NXPE4: variants seen among roughly 807,000 people sequenced by gnomAD.
NXPE4 encodes the protein NXPE family member 4.
In NXPE4, 42 loss-of-function variants were observed where a neutral mutation model predicts 33.3. That is an observed-to-expected ratio of 1.26 (90% CI 0.98 to 1.63). The LOEUF (loss-of-function observed/expected upper bound fraction) is 1.63, where lower values mean the gene tolerates loss of function less well. Among genes scored for constraint, NXPE4 ranks in the 40% most tolerant of loss-of-function variants. The pLI, the probability that NXPE4 is intolerant of heterozygous loss-of-function variation, is 0.00. For synonymous variants in NXPE4, 253 were observed against 234.9 expected, an observed-to-expected ratio of 1.08 and a Z score of -0.71; for missense variants, 709 against 647.6, an observed-to-expected ratio of 1.09 and a Z score of -1.03.
chr11:114,639,405 AC>A, the NXPE4 span, among the ~76,000 whole-genome samples: 3 of 151,374 alleles, frequency 2.0e-5, no homozygotes, highest in Admixed American at 1.3e-4. Context: ...GAACTCCCTG[AC>A]CCCTTGCGCT....
intron 5 of NXPE4, among the ~76,000 whole-genome samples, chr11:114,577,935 T>C: frequency 6.6e-6 from 1 of 152,210 alleles, no homozygotes; most frequent in Non-Finnish European, 1.5e-5. Flanking sequence ...CCCTTTACGA[T>C]ATACAAAGCA....
At chr11:114,676,932 TA>T in the NXPE4 span, among the ~76,000 whole-genome samples, 1 of 151,948 alleles carries the variant, frequency 6.6e-6, no homozygotes, top group African/African-American at 2.4e-5. Context: ...TGCTCAGCCT[TA>T]AAAAAGAAGG....
intron 5 of NXPE4, among the ~76,000 whole-genome samples, chr11:114,578,029 C>T (rs1274637644): frequency 6.6e-6 from 1 of 152,184 alleles, no homozygotes; most frequent in East Asian, 1.9e-4. Flanking sequence ...AAATGAAGTT[C>T]TTCCATTTTC....
At chr11:114,645,076 C>T in the NXPE4 span, among the ~76,000 whole-genome samples, 1 of 151,340 alleles carries the variant, frequency 6.6e-6, no homozygotes, top group Non-Finnish European at 1.5e-5. Context: ...CTGAGGCAGG[C>T]GGATTCCTTG....
upstream of NXPE4, among the ~76,000 whole-genome samples, chr11:114,599,347 C>G (rs1236092635): frequency 6.6e-6 from 1 of 152,164 alleles, no homozygotes; most frequent in Non-Finnish European, 1.5e-5. Context: ...TTGGTGGCAA[C>G]AATTTAACAA....
the NXPE4 span, among the ~76,000 whole-genome samples, chr11:114,653,672 C>A: frequency 6.6e-6 from 1 of 151,740 alleles, no homozygotes. Flanking sequence ...GGACTACAGG[C>A]GCCCACCACT....
the NXPE4 span, among the ~76,000 whole-genome samples, chr11:114,627,348 G>T: frequency 6.6e-6 from 1 of 152,044 alleles, no homozygotes; most frequent in Admixed American, 6.6e-5. Context: ...AGCCAGAAGA[G>T]AGTGGGGACC....
At chr11:114,623,197 A>G in the NXPE4 span, among the ~76,000 whole-genome samples, 1 of 151,984 alleles carries the variant, frequency 6.6e-6, no homozygotes, top group Admixed American at 6.6e-5. Flanking sequence ...TAGGGTAACC[A>G]TTGTTACCCA....
At chr11:114,603,474 C>T in the NXPE4 span, among the ~76,000 whole-genome samples, 2 of 151,254 alleles carry the variant, frequency 1.3e-5, no homozygotes, top group Admixed American at 1.3e-4. Flanking sequence ...ATAAGTATTG[C>T]CTCGTCTCCT....
chr11:114,661,065 A>T, the NXPE4 span, among the ~76,000 whole-genome samples: 1 of 152,186 alleles, frequency 6.6e-6, no homozygotes, highest in Non-Finnish European at 1.5e-5. Flanking sequence ...AATACACAAG[A>T]TCTATATACT....
the NXPE4 span, among the ~76,000 whole-genome samples, chr11:114,650,540 G>A: frequency 2.6e-5 from 4 of 152,132 alleles, no homozygotes. Flanking sequence ...AATGGAGGAA[G>A]GGCAAGTACT....
chr11:114,639,784 TAATA>T, the NXPE4 span, among the ~76,000 whole-genome samples: 1 of 126,004 alleles, frequency 7.9e-6, no homozygotes, highest in Non-Finnish European at 1.6e-5. Context: ...ATATAAAATA[TAATA>T]TATATTATAT....
intron 5 of NXPE4, among the ~76,000 whole-genome samples, chr11:114,579,761 T>A (rs1170517018): frequency 6.6e-6 from 1 of 152,204 alleles, no homozygotes; most frequent in Non-Finnish European, 1.5e-5. Flanking sequence ...AGAAGTCAGG[T>A]TTTGAACCCA....
At chr11:114,651,974 C>G in the NXPE4 span, among the ~76,000 whole-genome samples, 36 of 152,324 alleles carry the variant, frequency 2.4e-4, no homozygotes, top group African/African-American at 6.7e-4. Context: ...CAGTGGCACT[C>G]CAGCTTGCTG....
intron 2 of NXPE4, among the ~76,000 whole-genome samples, chr11:114,590,241 CTT>C (rs992330426): frequency 5.9e-5 from 9 of 152,298 alleles, no homozygotes; most frequent in East Asian, 1.9e-4. Context: ...CACTGAAACT[CTT>C]TTTAATTTCT....
chr11:114,625,662 C>T, the NXPE4 span, among the ~76,000 whole-genome samples: 6 of 152,056 alleles, frequency 3.9e-5, no homozygotes, highest in Admixed American at 6.5e-5. Context: ...TATTGCCTCT[C>T]AGGGAGGAGC....
chr11:114,602,282 A>G, the NXPE4 span, among the ~76,000 whole-genome samples: 3 of 118,874 alleles, frequency 2.5e-5, no homozygotes, highest in African/African-American at 3.4e-5. Context: ...TATACTATAT[A>G]TATGTTATCT....
chr11:114,590,271 A>G (rs916993919), intron 2 of NXPE4, among the ~76,000 whole-genome samples: 14 of 152,224 alleles, frequency 9.2e-5, no homozygotes, highest in Admixed American at 9.2e-4. Flanking sequence ...CAGAGCATAT[A>G]AGATTTCAAA....
chr11:114,621,495 A>T, the NXPE4 span, among the ~76,000 whole-genome samples: 1 of 151,808 alleles, frequency 6.6e-6, no homozygotes, highest in East Asian at 2.0e-4. Flanking sequence ...TCTATTACTC[A>T]TTGGAAAATA....
Sources: gnomAD v4.1 joint callset for allele counts (sites outside exome capture counted in the v4.1 genomes callset) on GRCh38, gnomAD v4.1.1 for gene constraint, MANE v1.5 for transcripts, NCBI Gene and HGNC (gene_info 2026-07-23, HGNC 2026-07-21) for gene names.